Variants in PLEKHG6 observed in about 807,000 individuals in gnomAD.
The protein encoded by PLEKHG6 is pleckstrin homology and RhoGEF domain containing G6, also known as pleckstrin homology domain-containing family G member 6.
In PLEKHG6, 91 loss-of-function variants were observed where a neutral mutation model predicts 97.5. That is an observed-to-expected ratio of 0.93 (90% CI 0.79 to 1.11). PLEKHG6 has a LOEUF of 1.11. Ranked by LOEUF, PLEKHG6 falls within the 50% of genes most tolerant of loss-of-function variation. PLEKHG6 has a pLI of 0.00. For missense variants in PLEKHG6, 1,044 were observed against 1,031.0 expected (o/e 1.01, Z -0.17); for synonymous variants, 466 against 425.5 (o/e 1.10, Z -1.17).
intron 2 of PLEKHG6, chr12:6,313,238 G>T: frequency 6.7e-7 from 1 of 1,496,316 alleles, no homozygotes; most frequent in South Asian, 1.2e-5. Context: ...GACAAGGAGA[G>T]TTACGAGAGA....
intron 13 of PLEKHG6, chr12:6,319,487 C>T (rs907643238): frequency 7.7e-6 from 11 of 1,426,686 alleles, no homozygotes; most frequent in East Asian, 2.5e-5. Context: ...AAGGAAGGAA[C>T]GAATGAACAT....
rs562989719 is a variant in PLEKHG6, at chr12:6,316,637, A to G, written c.756+233A>G. Reference sequence around the variant, plus strand: ...TATGAAATGAAAATGCAGCTGTCTCAGAGAAGGGTCACACCTTGGCTCCCA... The same window carrying G: ...TATGAAATGAAAATGCAGCTGTCTCGGAGAAGGGTCACACCTTGGCTCCCA... On this transcript the variant is annotated intron_variant, in intron 7 of 15. Transcript: ENST00000684764. This position sits in a 1 kb window ranked among gnomAD's most constrained non-coding sequence, Gnocchi z 4.1. Among the ~76,000 whole-genome samples, 3 of 152,260 alleles carry G rather than the reference A, an allele frequency of 2.0e-5. No homozygotes were observed. The East Asian group carries it at 5.8e-4, about 29-fold the overall frequency.
At position 6,315,871 on chromosome 12, in the gene PLEKHG6, G is replaced by A. The variant is rs1947438491; in HGVS notation, c.558G>A (p.Leu186=). 1 of 1,565,556 alleles carries A rather than the reference G, an allele frequency of 6.4e-7. No individual in the cohort carries two copies. The highest frequency in any genetic ancestry group is 1.2e-5 in the South Asian group (1 of 84,992). The change falls in exon 6 of 16, where the codon CTG becomes CTA. Residue 186 remains leucine, a splice_region_variant and synonymous_variant. Transcript: ENST00000684764. The surrounding 1 kb of genome is among the most constrained non-coding windows in gnomAD (Gnocchi z 4.5). ...YVRKLKIMTD[L]LAAGLLNLQR... ...GACCCTCGTCTCCCTCCCTGCAGCT[G>A]CTAGCCGCCGGCCTGCTGAACCTGC... is the stretch of plus-strand genomic sequence containing the variant.
Position 6,315,724 on chromosome 12 carries a change from G to T in PLEKHG6, c.555+75G>T. 2 of 1,232,762 alleles carry T rather than the reference G, an allele frequency of 1.6e-6. No homozygotes were observed. Among genetic ancestry groups the T allele is most frequent in the Non-Finnish European group, 2.3e-6 (2 of 871,980 alleles). The allele number at this position is 1,232,762 out of a possible 1,614,324, so 76.4% of individuals were successfully genotyped here. Reference sequence around the variant, plus strand: ...CCCATCCTCCCAGACTGGAAGGCAGGTCACTGGGGGAGGGAGGGGCAGGAT... The same window carrying T: ...CCCATCCTCCCAGACTGGAAGGCAGTTCACTGGGGGAGGGAGGGGCAGGAT... On this transcript the variant is annotated intron_variant, in intron 5 of 15. Coordinates refer to ENST00000684764, the MANE Select transcript of PLEKHG6 (RefSeq NM_001384598.1). The surrounding 1 kb of genome is among the most constrained non-coding windows in gnomAD (Gnocchi z 4.5).
chr12:6,320,313 T>C (rs948835331), intron 13 of PLEKHG6, among the ~76,000 whole-genome samples: 1 of 152,190 alleles, frequency 6.6e-6, no homozygotes, highest in Non-Finnish European at 1.5e-5. Context: ...AATGGAGCTG[T>C]ATTAGGTCCC....
intron 14 of PLEKHG6, among the ~76,000 whole-genome samples, chr12:6,326,908 C>T (rs893164756): frequency 1.3e-5 from 2 of 152,018 alleles, no homozygotes; most frequent in African/African-American, 4.8e-5. Context: ...GTGTGAGGTT[C>T]GTCTAGGATA....
In PLEKHG6 at chr12:6,318,865, C is replaced by T. The variant is rs766105048; in HGVS notation, c.1396C>T (p.Leu466=). 1.9e-6 allele frequency: 3 copies of T among 1,614,254 alleles called. No individual in the cohort carries two copies. The highest frequency in any genetic ancestry group is 1.6e-4 in the Middle Eastern group (1 of 6,062). ...LMLEKLVCQP[L]RDPNSFLLIH... Reference sequence around the variant, plus strand: ...GCTGGAGAAGCTCGTGTGCCAACCCCTGCGAGACCCCAGTACGTCCTTCCT... The same window carrying T: ...GCTGGAGAAGCTCGTGTGCCAACCCTTGCGAGACCCCAGTACGTCCTTCCT... Residue 466 remains leucine, a synonymous_variant, in exon 12 of 16, where the codon CTG becomes TTG. Coordinates refer to ENST00000684764, the MANE Select transcript of PLEKHG6 (RefSeq NM_001384598.1).
At position 6,327,662 on chromosome 12, in the gene PLEKHG6, G is replaced by A. The variant is rs1413611263; in HGVS notation, c.2079G>A (p.Gln693=). The change falls in exon 15 of 16, where the codon CAG becomes CAA. Residue 693 remains glutamine, a synonymous_variant. Transcript: ENST00000684764. The part of the protein sequence containing the change: ...ETLHRARLRG[Q]LPSSPTHADS... ...TCCACAGGGCCCGGCTTCGGGGCCA[G>A]CTTCCCTCCTCCCCAACCCATGCTG... 2.6e-6 allele frequency: 4 copies of A among 1,560,162 alleles called. No homozygotes were observed. Among genetic ancestry groups the A allele is most frequent in the Non-Finnish European group, 3.5e-6 (4 of 1,148,018 alleles).
chr12:6,319,860 G>A (rs894851274), intron 13 of PLEKHG6: 2 of 164,146 alleles, frequency 1.2e-5, no homozygotes, highest in South Asian at 4.0e-4. Flanking sequence ...ACAAACAATA[G>A]AGAGAAGTTA....
rs1565462372 is a variant in PLEKHG6, at chr12:6,326,568, G to GGGGA, written c.1668_1670+1dup. 7.9e-6 allele frequency: 12 copies of GGGGA among 1,518,592 alleles called. No individual in the cohort carries two copies. The highest frequency in any genetic ancestry group is 1.1e-5 in the Non-Finnish European group (12 of 1,138,414). 94.1% of individuals were successfully genotyped at this position (1,518,592 alleles called of 1,614,324 possible). A position where few individuals can be genotyped will look rare whatever the true frequency, so the allele number is the denominator to read the frequency against. ...TGGAGGGCTCTCAGAGCAGCGCAGA[G>GGGGA]GGGAGGTAAGGCTCACACGGACTAC... On this transcript the variant is annotated frameshift_variant, in exon 14 of 16. Coordinates refer to ENST00000684764, the MANE Select transcript of PLEKHG6 (RefSeq NM_001384598.1). LOFTEE classifies it high-confidence loss of function.
chr12:6,327,949 A>G lies in PLEKHG6; in HGVS notation c.2363+3A>G. ...CTGGACACCCCTCTGTCCGCATCGT[A>G]AGTGCTGGAGGGAAGCTGGCCTGGG... On this transcript the variant is annotated splice_donor_region_variant and intron_variant, in intron 15 of 15. Coordinates refer to ENST00000684764, the MANE Select transcript of PLEKHG6 (RefSeq NM_001384598.1). 2 of 1,496,162 alleles carry G rather than the reference A, an allele frequency of 1.3e-6. No homozygotes were observed. Among genetic ancestry groups the G allele is most frequent in the Non-Finnish European group, 1.8e-6 (2 of 1,121,880 alleles). The allele number at this position is 1,496,162 out of a possible 1,614,324, so 92.7% of individuals were successfully genotyped here.
chr12:6,320,737 G>T (rs74495690), intron 13 of PLEKHG6, among the ~76,000 whole-genome samples: 4 of 152,230 alleles, frequency 2.6e-5, no homozygotes, highest in African/African-American at 7.2e-5. Flanking sequence ...CTATCTTTTG[G>T]GGGGGCCACT....
At position 6,327,729 on chromosome 12, in the gene PLEKHG6, GA is replaced by G; in HGVS notation, c.2148del (p.Glu717LysfsTer7). The G allele has an allele frequency of 1.9e-6, 3 of 1,553,942 alleles. No homozygotes were observed. Among genetic ancestry groups the G allele is most frequent in the Non-Finnish European group, 2.6e-6 (3 of 1,153,006 alleles). On this transcript the variant is annotated frameshift_variant, in exon 15 of 16. Transcript: ENST00000684764. LOFTEE classifies it high-confidence loss of function. ...ESPWESSGEE[E>X]EEGPLFLKAG... Reference sequence around the variant, plus strand: ...CCCCTGGGAGTCCTCAGGGGAGGAGGAAGAAGAGGGGCCTCTGTTCCTGAAA... The same window carrying G: ...CCCCTGGGAGTCCTCAGGGGAGGAGGAGAAGAGGGGCCTCTGTTCCTGAAA...
chr12:6,313,027 G>C (rs1009048035), intron 2 of PLEKHG6: 68 of 1,489,850 alleles, frequency 4.6e-5, no homozygotes, highest in Non-Finnish European at 5.9e-5. Context: ...AGACTAGAAA[G>C]TATGTGGGGT....
At position 6,327,647 on chromosome 12, in the gene PLEKHG6, C is replaced by T; in HGVS notation, c.2064C>T (p.Ala688=). Reference sequence around the variant, plus strand: ...TGGTGGTGGAAACACTCCACAGGGCCCGGCTTCGGGGCCAGCTTCCCTCCT... The same window carrying T: ...TGGTGGTGGAAACACTCCACAGGGCTCGGCTTCGGGGCCAGCTTCCCTCCT... ...GNVVVETLHR[A]RLRGQLPSSP... is the part of the protein sequence containing the mutation. The change falls in exon 15 of 16, where the codon GCC becomes GCT. Residue 688 remains alanine, a synonymous_variant. Transcript: ENST00000684764. 1 of 1,560,424 alleles carries T rather than the reference C, an allele frequency of 6.4e-7. No homozygotes were observed. Among genetic ancestry groups the T allele is most frequent in the East Asian group, 2.4e-5 (1 of 42,158 alleles).
chr12:6,322,442 C>T (rs959838732), intron 13 of PLEKHG6, among the ~76,000 whole-genome samples: 3 of 152,212 alleles, frequency 2.0e-5, no homozygotes, highest in Non-Finnish European at 4.4e-5. Context: ...CAGTGGTCTC[C>T]CATCTGCCCT....
intron 13 of PLEKHG6, chr12:6,319,629 C>T (rs1947634244): frequency 6.5e-7 from 1 of 1,536,022 alleles, no homozygotes; most frequent in South Asian, 1.2e-5. Context: ...TGGCCAGCTA[C>T]TGTGCCAGCC....
At chr12:6,314,498 ACT>A (rs937482230) in intron 3 of PLEKHG6, among the ~76,000 whole-genome samples, 2 of 151,358 alleles carry the variant, frequency 1.3e-5, no homozygotes, top group Admixed American at 6.6e-5. Flanking sequence ...CAAGAGCAAA[ACT>A]CTGTCTCAAA....
rs532214122 is a variant in PLEKHG6, at chr12:6,312,094, G to T, written c.-68-65G>T. ...CCTCCCAGGCCCCCTACCAGCCTTG[G>T]TCTCCCGCCTGGTGCCATTCACTGA... On this transcript the variant is annotated intron_variant, in intron 1 of 15. Transcript: ENST00000684764. The T allele has an allele frequency of 2.3e-5, 17 of 740,662 alleles. No individual in the cohort carries two copies. In the South Asian group the frequency reaches 4.0e-4, roughly 18 times the overall value. 45.9% of individuals were successfully genotyped at this position (740,662 alleles called of 1,614,324 possible).
Sources: gnomAD v4.1 joint callset for allele counts (sites outside exome capture counted in the v4.1 genomes callset) on GRCh38, gnomAD v4.1.1 for gene constraint, Gnocchi (gnomAD v3.1) non-coding constraint, MANE v1.5 for transcripts, NCBI Gene and HGNC (gene_info 2026-07-23, HGNC 2026-07-21) for gene names.